Variants in LPGAT1 observed in about 807,000 individuals in gnomAD.
LPGAT1 encodes the protein acyl-CoA:lysophosphatidylglycerol acyltransferase 1.
LPGAT1 carries 11 observed loss-of-function variants against 47.5 expected under a neutral mutation model. That is an observed-to-expected ratio of 0.23 (90% CI 0.15 to 0.38). The LOEUF (loss-of-function observed/expected upper bound fraction) is 0.38. Among genes scored for constraint, LPGAT1 ranks in the 10% least tolerant of loss-of-function variants. The pLI is 1.00. For synonymous variants in LPGAT1, 138 were observed against 144.2 expected, an observed-to-expected ratio of 0.96 and a Z score of 0.31; for missense variants, 293 against 439.0, an observed-to-expected ratio of 0.67 and a Z score of 2.97.
At chr1:211,819,060 AC>A (rs1312036110) in intron 2 of LPGAT1, among the ~76,000 whole-genome samples, 1 of 152,224 alleles carries the variant, frequency 6.6e-6, no homozygotes, top group Non-Finnish European at 1.5e-5. Context: ...ACATAGTTAA[AC>A]AAAAATCTTG....
chr1:211,825,277 G>A (rs886340604), intron 2 of LPGAT1, among the ~76,000 whole-genome samples: 4 of 128,826 alleles, frequency 3.1e-5, no homozygotes, highest in Admixed American at 9.8e-5. Flanking sequence ...CTGTAACCTC[G>A]AACTCCTGGG....
chr1:211,787,828 T>G, intron 3 of LPGAT1, 101 bp from the exon 4 acceptor site: 1 of 655,318 alleles, frequency 1.5e-6, no homozygotes, highest in Non-Finnish European at 2.6e-6. Context: ...AGCATACTTT[T>G]AATTAACCAA....
intron 6 of LPGAT1, among the ~76,000 whole-genome samples, chr1:211,751,336 T>C (rs1025279316): frequency 1.3e-5 from 2 of 152,240 alleles, no homozygotes; most frequent in African/African-American, 4.8e-5. Flanking sequence ...TAAATTACCT[T>C]ATATCTATGA....
At chr1:211,751,183 A>T in intron 6 of LPGAT1, 116 bp from the exon 7 acceptor site, 1 of 689,710 alleles carries the variant, frequency 1.4e-6, no homozygotes. Context: ...TTTTGCTTTA[A>T]CAAGGGTTGG....
chr1:211,814,865 T>C (rs1201434107), intron 2 of LPGAT1, among the ~76,000 whole-genome samples: 1 of 152,202 alleles, frequency 6.6e-6, no homozygotes, highest in Admixed American at 6.5e-5. Context: ...ACAAAGCTGC[T>C]CTTGCTAAAT....
chr1:211,746,519 CT>C lies in LPGAT1; in HGVS notation c.*3379del, dbSNP rs367562308. 6.6e-6 allele frequency: 1 copy of C among 152,210 alleles called. No homozygotes were observed. The highest frequency in any genetic ancestry group is 1.9e-4 in the East Asian group (1 of 5,188). The allele number at this position is 152,210 out of a possible 1,614,324, so 9.4% of individuals were successfully genotyped here. On this transcript the variant is annotated 3_prime_UTR_variant, in exon 8 of 8. Coordinates refer to ENST00000366997, the MANE Select transcript of LPGAT1 (RefSeq NM_014873.3). Reference sequence around the variant, plus strand: ...GTAAGCGTCCCTAGAAAAAAAATGTCTGATGAGAGTAAGAATTCAAACTCCT... The same window carrying C: ...GTAAGCGTCCCTAGAAAAAAAATGTCGATGAGAGTAAGAATTCAAACTCCT...
chr1:211,757,812 T>C (rs2102496220), intron 6 of LPGAT1, among the ~76,000 whole-genome samples: 1 of 152,346 alleles, frequency 6.6e-6, no homozygotes, highest in South Asian at 2.1e-4. Context: ...TTCCATCTTT[T>C]GAATTGTAAG....
chr1:211,826,250 G>A (rs1660541601), intron 2 of LPGAT1, among the ~76,000 whole-genome samples: 1 of 152,160 alleles, frequency 6.6e-6, no homozygotes, highest in Admixed American at 6.5e-5. Flanking sequence ...GATGAGTTAA[G>A]AGATAGTTTA....
chr1:211,767,221 C>G (rs1657956070), intron 6 of LPGAT1, among the ~76,000 whole-genome samples: 1 of 152,178 alleles, frequency 6.6e-6, no homozygotes, highest in South Asian at 2.1e-4. Context: ...TCACTGCAAC[C>G]TCTGCCTCCT....
At chr1:211,784,409 T>C (rs893077512) in intron 4 of LPGAT1, among the ~76,000 whole-genome samples, 4 of 151,640 alleles carry the variant, frequency 2.6e-5, no homozygotes, top group African/African-American at 4.8e-5. Flanking sequence ...GAGGATCACT[T>C]GTGCCCACAA....
chr1:211,828,580 GA>G (rs1291230738), intron 2 of LPGAT1, among the ~76,000 whole-genome samples: 1 of 152,126 alleles, frequency 6.6e-6, no homozygotes, highest in Non-Finnish European at 1.5e-5. Flanking sequence ...TAAGAGAAAA[GA>G]AAGCCATTTT....
chr1:211,757,747 G>C (rs565583677), intron 6 of LPGAT1, among the ~76,000 whole-genome samples: 16 of 152,312 alleles, frequency 1.1e-4, no homozygotes, highest in African/African-American at 3.8e-4. Context: ...AATTTCAAAT[G>C]AAGAGTCTCT....
intron 5 of LPGAT1, among the ~76,000 whole-genome samples, chr1:211,780,272 A>C (rs1658582368): frequency 6.6e-6 from 1 of 152,226 alleles, no homozygotes. Context: ...AAAGCAATAA[A>C]GCTTCCTGCC....
chr1:211,825,537 T>C (rs575164336), intron 2 of LPGAT1, among the ~76,000 whole-genome samples: 27 of 152,202 alleles, frequency 1.8e-4, no homozygotes, highest in Admixed American at 1.5e-3. Flanking sequence ...TAGATCCAAA[T>C]AAAGCATGCA....
intron 6 of LPGAT1, among the ~76,000 whole-genome samples, chr1:211,762,523 T>C (rs1259847177): frequency 1.3e-5 from 2 of 152,196 alleles, no homozygotes; most frequent in Admixed American, 6.5e-5. Context: ...ACTAATCCCC[T>C]AATATGGCAA....
chr1:211,776,048 G>A (rs1658385285), intron 6 of LPGAT1, among the ~76,000 whole-genome samples: 1 of 139,810 alleles, frequency 7.2e-6, no homozygotes, highest in Non-Finnish European at 1.6e-5. Context: ...TATCTATGTT[G>A]GCTCTTTTTT....
intron 2 of LPGAT1, among the ~76,000 whole-genome samples, chr1:211,802,087 CAA>C (rs758493700): frequency 7.3e-4 from 79 of 108,540 alleles, no homozygotes; most frequent in Non-Finnish European, 8.8e-4. Flanking sequence ...GACTCTGTCT[CAA>C]AAAAAAAAAA....
intron 6 of LPGAT1, among the ~76,000 whole-genome samples, chr1:211,764,539 G>A (rs564243442): frequency 3.9e-4 from 59 of 152,228 alleles, no homozygotes; most frequent in African/African-American, 1.4e-3. Flanking sequence ...CAAATTTAAC[G>A]TATCAGAATA....
intron 6 of LPGAT1, among the ~76,000 whole-genome samples, chr1:211,774,036 A>T (rs901499677): frequency 6.6e-6 from 1 of 151,550 alleles, no homozygotes; most frequent in Admixed American, 6.6e-5. Context: ...GGAGAATGCT[A>T]TTTATAAACA....
Sources: allele counts gnomAD v4.1 joint callset (sites outside exome capture counted in the v4.1 genomes callset), GRCh38; gene constraint gnomAD v4.1.1; transcripts MANE v1.5; gene names NCBI Gene and HGNC (gene_info 2026-07-23, HGNC 2026-07-21).